The following CECR2 variants were observed in gnomAD, a reference collection of about 807,000 sequenced individuals.
CECR2 encodes the protein CECR2 histone acetyl-lysine reader.
A neutral mutation model predicts 154.5 loss-of-function variants in CECR2; 30 were observed. The ratio of observed to expected loss-of-function variants is 0.19; its 90% CI spans 0.15 to 0.26. The LOEUF (loss-of-function observed/expected upper bound fraction) is 0.26. CECR2 is among the 10% of genes least tolerant of loss of function. CECR2 has a pLI of 1.00. For missense variants in CECR2, 1,743 were observed against 1,829.3 expected, an observed-to-expected ratio of 0.95 and a Z score of 0.86; for synonymous variants, 725 against 683.7, an observed-to-expected ratio of 1.06 and a Z score of -0.94.
At chr22:17,485,455 A>G (rs866358849) in intron 2 of CECR2, among the ~76,000 whole-genome samples, 1 of 152,148 alleles carries the variant, frequency 6.6e-6, no homozygotes, top group Non-Finnish European at 1.5e-5. Context: ...TTACACCCGA[A>G]CCCAATTATA....
chr22:17,391,768 A>G (rs1172297147), intron 1 of CECR2, among the ~76,000 whole-genome samples: 1 of 152,230 alleles, frequency 6.6e-6, no homozygotes, highest in Non-Finnish European at 1.5e-5. Context: ...ATACCAATAT[A>G]GTGTGCTTAT....
At chr22:17,510,130 G>A (rs891873874) in intron 7 of CECR2, among the ~76,000 whole-genome samples, 1 of 152,182 alleles carries the variant, frequency 6.6e-6, no homozygotes, top group Non-Finnish European at 1.5e-5. Flanking sequence ...ATGGGAAAGT[G>A]CGTAGGGAAA....
At chr22:17,547,738 C>T (rs1365431329) in intron 16 of CECR2, among the ~76,000 whole-genome samples, 1 of 152,166 alleles carries the variant, frequency 6.6e-6, no homozygotes, top group African/African-American at 2.4e-5. Flanking sequence ...ATGCCCTGTT[C>T]TTTCTGGTTG....
intron 9 of CECR2, among the ~76,000 whole-genome samples, chr22:17,532,766 G>A (rs2056378535): frequency 8.8e-6 from 1 of 113,504 alleles, no homozygotes; most frequent in African/African-American, 3.4e-5. Flanking sequence ...TACTCAGGCT[G>A]GAGTGCAGTG....
intron 8 of CECR2, among the ~76,000 whole-genome samples, chr22:17,522,914 A>G (rs747059450): frequency 6.6e-6 from 1 of 151,890 alleles, no homozygotes; most frequent in Non-Finnish European, 1.5e-5. Context: ...CTAAGGCAGG[A>G]GAATCACTTG....
intron 1 of CECR2, among the ~76,000 whole-genome samples, chr22:17,390,302 G>C (rs1042784419): frequency 6.6e-6 from 1 of 152,282 alleles, no homozygotes; most frequent in South Asian, 2.1e-4. Context: ...TGTTTTTGGC[G>C]GGAGTGCTGA....
At chr22:17,534,123 T>G (rs1169283776) in intron 9 of CECR2, among the ~76,000 whole-genome samples, 1 of 152,060 alleles carries the variant, frequency 6.6e-6, no homozygotes, top group Non-Finnish European at 1.5e-5. Flanking sequence ...GGCATAGAGA[T>G]AGACAATGAG....
At chr22:17,491,664 T>C (rs979503152) in intron 2 of CECR2, among the ~76,000 whole-genome samples, 2 of 152,078 alleles carry the variant, frequency 1.3e-5, no homozygotes, top group African/African-American at 4.8e-5. Context: ...ATTTTTATTG[T>C]ACCTCTTCAT....
rs887581580 is a variant in CECR2, at chr22:17,553,718, T to C, written c.*878T>C. 4.6e-5 allele frequency: 7 copies of C among 152,180 alleles called. No homozygotes were observed. The highest frequency in any genetic ancestry group is 1.7e-4 in the African/African-American group (7 of 41,442). 9.4% of individuals were successfully genotyped at this position (152,180 alleles called of 1,614,324 possible). On this transcript the variant is annotated 3_prime_UTR_variant, in exon 19 of 19. Coordinates refer to ENST00000262608, the MANE Select transcript of CECR2 (RefSeq NM_001290047.2). Reference sequence around the variant, plus strand: ...GAGAAAGTGGTGTCCCTTCCTGATTTTGCCACCAGCCCTACCGAATAGTTG... The same window carrying C: ...GAGAAAGTGGTGTCCCTTCCTGATTCTGCCACCAGCCCTACCGAATAGTTG...
At chr22:17,469,576 C>G (rs1376832454) in intron 1 of CECR2, among the ~76,000 whole-genome samples, 1 of 146,472 alleles carries the variant, frequency 6.8e-6, no homozygotes. Context: ...AGCGCATCCT[C>G]TTTTGATGAT....
intron 6 of CECR2, among the ~76,000 whole-genome samples, chr22:17,503,660 A>G (rs2055780431): frequency 6.6e-6 from 1 of 152,220 alleles, no homozygotes; most frequent in Non-Finnish European, 1.5e-5. Context: ...AATTCACAGT[A>G]GTTATATTTG....
intron 9 of CECR2, among the ~76,000 whole-genome samples, chr22:17,526,827 AAAAG>A (rs1839743324): frequency 6.6e-6 from 1 of 151,462 alleles, no homozygotes; most frequent in South Asian, 2.1e-4. Flanking sequence ...AAAAAAAAAA[AAAAG>A]AATTATATCT....
chr22:17,518,067 T>C (rs954733214), intron 8 of CECR2, among the ~76,000 whole-genome samples: 1 of 152,170 alleles, frequency 6.6e-6, no homozygotes, highest in African/African-American at 2.4e-5. Context: ...ATTGTAATGC[T>C]GCCATCTTTG....
chr22:17,420,128 A>G (rs17808076), intron 1 of CECR2, among the ~76,000 whole-genome samples: 18,512 of 152,242 alleles, frequency 0.12, 1,156 homozygotes, highest in South Asian at 0.19. Context: ...TGGTCTACAT[A>G]GTAGTAATCC....
At chr22:17,477,528 G>A (rs1286106467) in intron 1 of CECR2, 60 bp from the exon 2 acceptor site, 3 of 1,095,914 alleles carry the variant, frequency 2.7e-6, no homozygotes, top group Non-Finnish European at 4.2e-6. Flanking sequence ...CGGTAGGAAG[G>A]GGTGTGTATT....
Position 17,444,661 on chromosome 22 carries a change from G to A in CECR2, c.127-32927G>A, listed in dbSNP as rs189798250. The stretch of plus-strand genomic sequence containing the variant: ...CTACCACCATCAAGATTTCTCATGG[G>A]AGAAGTCATACAAAATGAGAAATTG... On this transcript the variant is annotated intron_variant, in intron 1 of 18. Coordinates refer to ENST00000262608, the MANE Select transcript of CECR2 (RefSeq NM_001290047.2). Among the ~76,000 whole-genome samples the A allele has an allele frequency of 2.6e-4, 39 of 152,126 alleles. No individual in the cohort carries two copies. The East Asian group carries it at 5.0e-3, about 20-fold the overall frequency.
intron 9 of CECR2, among the ~76,000 whole-genome samples, chr22:17,532,185 G>A (rs1601525768): frequency 1.3e-5 from 2 of 152,066 alleles, no homozygotes; most frequent in Admixed American, 6.6e-5. Flanking sequence ...GAAGGGGTGG[G>A]TAGTGGGTTG....
chr22:17,449,480 G>GTCCTTTTTTTTTTTTTTTTTTTTTTTTT, intron 1 of CECR2, among the ~76,000 whole-genome samples: 1 of 97,210 alleles, frequency 1.0e-5, no homozygotes, highest in South Asian at 3.9e-4. Flanking sequence ...TTGGTAACCA[G>GTCCTTTTTTTTTTTTTTTTTTTTTTTTT]TTCTTTTTTT....
chr22:17,363,591 C>T (rs2062987715), intron 1 of CECR2, among the ~76,000 whole-genome samples: 1 of 152,124 alleles, frequency 6.6e-6, no homozygotes, highest in South Asian at 2.1e-4. Context: ...GATCTGCCTG[C>T]CTTGGCCTCC....
Sources: allele counts gnomAD v4.1 joint callset (sites outside exome capture counted in the v4.1 genomes callset), GRCh38; gene constraint gnomAD v4.1.1; transcripts MANE v1.5; gene names NCBI Gene and HGNC (gene_info 2026-07-23, HGNC 2026-07-21).